ST18: variants seen among roughly 807,000 people sequenced by gnomAD.
ST18 encodes the protein suppression of tumorigenicity 18 protein.
A neutral mutation model predicts 110.0 loss-of-function variants in ST18; 50 were observed. The observed-to-expected ratio is 0.45, with a 90% CI of 0.36 to 0.58. The LOEUF is 0.58. Among genes scored for constraint, ST18 ranks in the 20% least tolerant of loss-of-function variants. ST18 has a pLI of 0.00. For synonymous variants in ST18, 461 were observed against 452.4 expected (o/e 1.02, Z -0.24); for missense variants, 1,306 against 1,280.1 (o/e 1.02, Z -0.31).
chr8:52,121,675 ATATGTTC>A (rs565129786), intron 23 of ST18, among the ~76,000 whole-genome samples: 392 of 152,274 alleles, frequency 2.6e-3, no homozygotes, highest in African/African-American at 9.0e-3. Context: ...TGGTTCCAGA[ATATGTTC>A]TTTTAACCAT....
chr8:52,404,909 A>T (rs188713770), intron 2 of ST18: 8 of 152,330 alleles, frequency 5.3e-5, no homozygotes, highest in Admixed American at 4.6e-4. Flanking sequence ...ACTTTAAGTT[A>T]CCTTGTCCAG....
intron 15 of ST18, among the ~76,000 whole-genome samples, chr8:52,158,168 T>C (rs1487191952): frequency 6.6e-6 from 1 of 152,178 alleles, no homozygotes; most frequent in Non-Finnish European, 1.5e-5. Context: ...ATGAAGGATC[T>C]TTGTTTTTTG....
rs536819221 is a variant in ST18, at chr8:52,248,401, C to T, written c.-464-18324G>A. 1.2e-4 allele frequency: 19 copies of T among 152,228 alleles called. 1 individual carries two copies. In the East Asian group the frequency reaches 2.1e-3, roughly 17 times the overall value. 9.4% of individuals were successfully genotyped at this position (152,228 alleles called of 1,614,324 possible). Reference sequence around the variant, plus strand: ...ATTAACAATACTTTTTAAATGTTTTCGATGAGACCTTCAGAGTTTATTAAA... The same window carrying T: ...ATTAACAATACTTTTTAAATGTTTTTGATGAGACCTTCAGAGTTTATTAAA... On this transcript the variant is annotated intron_variant, in intron 2 of 25. Transcript: ENST00000689386.
chr8:52,125,386 C>T (rs1041586585), intron 23 of ST18, among the ~76,000 whole-genome samples: 11 of 133,514 alleles, frequency 8.2e-5, no homozygotes, highest in South Asian at 2.2e-4. Context: ...AAAACGCGCA[C>T]GTACACACAC....
chr8:52,270,669 A>G lies in ST18; in HGVS notation c.-464-40592T>C, dbSNP rs145451854. On this transcript the variant is annotated intron_variant, in intron 2 of 25. Transcript: ENST00000689386. ...ATGTTGTACACCCTGAATATACGCA[A>G]CTTTGAAAAACGCATCTTCCAAGAA... Among the ~76,000 whole-genome samples the G allele has an allele frequency of 5.9e-3, 900 of 152,200 alleles. 5 individuals carry two copies. The highest frequency in any genetic ancestry group is 0.021 in the African/African-American group (852 of 41,510).
chr8:52,386,868 T>C (rs6415664), intron 2 of ST18, among the ~76,000 whole-genome samples: 138,897 of 152,192 alleles, frequency 0.91, 64,772 homozygotes, highest in East Asian at 1. Flanking sequence ...TCCTGTAGGT[T>C]TTCTGTTCCT....
rs180963047 is a variant in ST18 at position 52,316,356 on chromosome 8, G to A, written c.-464-86279C>T. Among the ~76,000 whole-genome samples the A allele has an allele frequency of 4.9e-4, 74 of 152,296 alleles. 1 individual carries two copies. Among genetic ancestry groups the A allele is most frequent in the African/African-American group, 1.7e-3 (71 of 41,566 alleles). ...CAAAATGCCACCCAGCACCTGTGCT[G>A]GTAGGGGCTCCCCCAGCAGCAATGA... On this transcript the variant is annotated intron_variant, in intron 2 of 25. Transcript: ENST00000689386.
At chr8:52,199,981 G>A (rs988525149) in intron 8 of ST18, among the ~76,000 whole-genome samples, 13 of 152,154 alleles carry the variant, frequency 8.5e-5, no homozygotes, top group Non-Finnish European at 1.6e-4. Flanking sequence ...AGGAATTACC[G>A]CAATGTGTTT....
At chr8:52,227,744 A>G (rs975588480) in intron 3 of ST18, among the ~76,000 whole-genome samples, 4 of 152,150 alleles carry the variant, frequency 2.6e-5, no homozygotes, top group Non-Finnish European at 1.5e-5. Flanking sequence ...TGTCATTCAT[A>G]TTGTGGTTGA....
intron 2 of ST18, among the ~76,000 whole-genome samples, chr8:52,291,924 TGC>T (rs1293031085): frequency 1.3e-5 from 2 of 152,112 alleles, no homozygotes; most frequent in African/African-American, 4.8e-5. Flanking sequence ...CACAGGCGCG[TGC>T]CATCACACCC....
At chr8:52,157,713 C>A (rs547700555) in intron 15 of ST18, among the ~76,000 whole-genome samples, 121 of 152,210 alleles carry the variant, frequency 7.9e-4, no homozygotes, top group Non-Finnish European at 1.4e-3. Flanking sequence ...GGTTTTTGGC[C>A]ACCAACTCTT....
At chr8:52,210,867 C>A (rs949991946) in intron 8 of ST18, among the ~76,000 whole-genome samples, 2 of 152,084 alleles carry the variant, frequency 1.3e-5, no homozygotes, top group African/African-American at 4.8e-5. Flanking sequence ...ATGGAAGCAA[C>A]GGTGACAGCC....
chr8:52,158,796 T>C (rs1333874733), intron 15 of ST18, 102 bp downstream of exon 15: 18 of 1,324,740 alleles, frequency 1.4e-5, no homozygotes, highest in Admixed American at 5.2e-5. Context: ...GCTTCAGAGG[T>C]TGGGGAGCAG....
intron 5 of ST18, among the ~76,000 whole-genome samples, chr8:52,220,345 C>T (rs2086165973): frequency 6.6e-6 from 1 of 152,166 alleles, no homozygotes; most frequent in Non-Finnish European, 1.5e-5. Flanking sequence ...AAGTCATCCA[C>T]AGTACTTTTT....
chr8:52,254,362 G>C (rs1489479991), intron 2 of ST18: 2 of 152,250 alleles, frequency 1.3e-5, no homozygotes, highest in East Asian at 3.9e-4. Flanking sequence ...CAGTGCCTTT[G>C]ACTGCTTAGA....
chr8:52,346,295 T>A (rs374247542), intron 2 of ST18, among the ~76,000 whole-genome samples: 2 of 149,142 alleles, frequency 1.3e-5, no homozygotes, highest in Admixed American at 6.7e-5. Flanking sequence ...AAACACAAAG[T>A]CAAGAAAAAA....
intron 8 of ST18, among the ~76,000 whole-genome samples, chr8:52,204,712 G>A (rs1474546584): frequency 6.6e-6 from 1 of 152,160 alleles, no homozygotes; most frequent in African/African-American, 2.4e-5. Flanking sequence ...GAAAAGAAAA[G>A]CTAAATGGAT....
Position 52,370,020 on chromosome 8 carries a change from G to A in ST18, c.-465+39308C>T, listed in dbSNP as rs532159661. 3.9e-4 allele frequency among the ~76,000 whole-genome samples: 59 copies of A among 152,312 alleles called. 1 individual carries two copies. The highest frequency in any genetic ancestry group is 6.8e-3 in the Middle Eastern group (2 of 294). ...AGGTTTCAGATGCCATTCACAGAGC[G>A]TGGTCACCCGCTCCTCACAGACATG... On this transcript the variant is annotated intron_variant, in intron 2 of 25. Transcript: ENST00000689386.
intron 2 of ST18, among the ~76,000 whole-genome samples, chr8:52,279,551 A>T (rs562932021): frequency 4.6e-5 from 7 of 152,312 alleles, no homozygotes; most frequent in Admixed American, 3.3e-4. Flanking sequence ...AATAAACTCT[A>T]CCCAGAATAA....
Sources: allele counts gnomAD v4.1 joint callset (sites outside exome capture counted in the v4.1 genomes callset), GRCh38; gene constraint gnomAD v4.1.1; transcripts MANE v1.5; gene names NCBI Gene and HGNC (gene_info 2026-07-23, HGNC 2026-07-21).